Variants in KLF9 observed in about 807,000 individuals in gnomAD.
KLF9 encodes Krueppel-like factor 9.
Under a neutral mutation model 17.3 loss-of-function variants are expected in KLF9, and 2 were observed. The ratio of observed to expected loss-of-function variants is 0.12; its 90% CI spans 0.05 to 0.36. The LOEUF (loss-of-function observed/expected upper bound fraction) is 0.36. KLF9 is among the 10% of genes least tolerant of loss of function. The pLI is 1.00. For synonymous variants in KLF9, 138 were observed against 139.2 expected, an observed-to-expected ratio of 0.99 and a Z score of 0.06; for missense variants, 226 against 333.2, an observed-to-expected ratio of 0.68 and a Z score of 2.51.
chr9:70,399,216 T>C (rs952821021), intron 1 of KLF9, among the ~76,000 whole-genome samples: 12 of 152,148 alleles, frequency 7.9e-5, no homozygotes, highest in African/African-American at 2.9e-4. Context: ...ACCCTAAACA[T>C]AAATTTTTAA....
At chr9:70,397,043 G>A (rs953304050) in intron 1 of KLF9, among the ~76,000 whole-genome samples, 4 of 152,144 alleles carry the variant, frequency 2.6e-5, no homozygotes, top group Non-Finnish European at 5.9e-5. Context: ...ATATTCCATG[G>A]GCATGGAAGT....
intron 1 of KLF9, among the ~76,000 whole-genome samples, chr9:70,408,166 G>T (rs1285707656): frequency 6.6e-6 from 1 of 152,138 alleles, no homozygotes; most frequent in Non-Finnish European, 1.5e-5. Flanking sequence ...TTGAAGTCAG[G>T]AGTTCGAGAC....
Position 70,413,676 on chromosome 9 carries a change from A to G in KLF9, c.-313T>C, listed in dbSNP as rs1468794950. 1 of 158,058 alleles carries G rather than the reference A, an allele frequency of 6.3e-6. No individual in the cohort carries two copies. The highest frequency in any genetic ancestry group is 1.4e-5 in the Non-Finnish European group (1 of 71,612). The allele number at this position is 158,058 out of a possible 1,614,324, so 9.8% of individuals were successfully genotyped here. On this transcript the variant is annotated 5_prime_UTR_variant, in exon 1 of 2. Coordinates refer to ENST00000377126, the MANE Select transcript of KLF9 (RefSeq NM_001206.4). This position sits in a 1 kb window ranked among gnomAD's most constrained non-coding sequence, Gnocchi z 5.6. ...CCCGACGGGCGCGCCGGCCCCTCTGAGCCGGCTCCCTTGGAAAGATGCCAC... is the reference window on the plus strand; with the variant it reads ...CCCGACGGGCGCGCCGGCCCCTCTGGGCCGGCTCCCTTGGAAAGATGCCAC...
intron 1 of KLF9, among the ~76,000 whole-genome samples, chr9:70,389,451 C>T (rs2037138563): frequency 6.6e-6 from 1 of 152,158 alleles, no homozygotes; most frequent in Non-Finnish European, 1.5e-5. Context: ...AATGAACTGG[C>T]CCTGTCTACC....
chr9:70,389,020 A>C (rs2037134256), intron 1 of KLF9, among the ~76,000 whole-genome samples: 1 of 152,130 alleles, frequency 6.6e-6, no homozygotes, highest in African/African-American at 2.4e-5. Context: ...GTGCGCCTGT[A>C]GTCCCAGCTA....
intron 1 of KLF9, among the ~76,000 whole-genome samples, chr9:70,395,270 A>G (rs1209485091): frequency 1.3e-5 from 2 of 152,204 alleles, no homozygotes; most frequent in Non-Finnish European, 2.9e-5. Flanking sequence ...CAGGTAAAAG[A>G]AAAAAATTAA....
At chr9:70,395,691 C>T (rs1030547628) in intron 1 of KLF9, among the ~76,000 whole-genome samples, 2 of 152,122 alleles carry the variant, frequency 1.3e-5, no homozygotes, top group African/African-American at 2.4e-5. Context: ...TGCCTGTAAT[C>T]TCAGCACTTT....
chr9:70,389,181 C>T (rs2037135535), intron 1 of KLF9, among the ~76,000 whole-genome samples: 1 of 152,066 alleles, frequency 6.6e-6, no homozygotes, highest in Non-Finnish European at 1.5e-5. Flanking sequence ...CCTTCTGCCA[C>T]ATCATAATCC....
chr9:70,404,849 A>G (rs1453618254), intron 1 of KLF9, among the ~76,000 whole-genome samples: 1 of 152,132 alleles, frequency 6.6e-6, no homozygotes, highest in Non-Finnish European at 1.5e-5. Flanking sequence ...AGGCTCAGAG[A>G]AGGTAAGTAG....
intron 1 of KLF9, among the ~76,000 whole-genome samples, chr9:70,403,172 A>C (rs889055316): frequency 3.3e-5 from 5 of 152,268 alleles, no homozygotes; most frequent in Admixed American, 6.5e-5. Flanking sequence ...ATAAAAATAA[A>C]TAACTAACTA....
Position 70,387,498 on chromosome 9 carries a change from A to G in KLF9, c.*278T>C, listed in dbSNP as rs1478928411. ...GAAAAAAAAACAAAAACAAAAACCA[A>G]AAAACCCAAAAGCATTTGCCTTCCC... On this transcript the variant is annotated 3_prime_UTR_variant, in exon 2 of 2. Coordinates refer to ENST00000377126, the MANE Select transcript of KLF9 (RefSeq NM_001206.4). 4 of 261,980 alleles carry G rather than the reference A, an allele frequency of 1.5e-5. No individual in the cohort carries two copies. The Admixed American group carries it at 2.0e-4, about 13-fold the overall frequency. 16.2% of individuals were successfully genotyped at this position (261,980 alleles called of 1,614,324 possible). A position where few individuals can be genotyped will look rare whatever the true frequency, so the allele number is the denominator to read the frequency against.
chr9:70,400,682 C>A (rs779197968), intron 1 of KLF9, among the ~76,000 whole-genome samples: 3 of 152,196 alleles, frequency 2.0e-5, no homozygotes, highest in African/African-American at 4.8e-5. Flanking sequence ...GCCACTCCAG[C>A]AAGTGTTTCC....
At chr9:70,397,423 T>C (rs916512443) in intron 1 of KLF9, among the ~76,000 whole-genome samples, 6 of 151,546 alleles carry the variant, frequency 4.0e-5, no homozygotes, top group South Asian at 4.2e-4. Context: ...TGCAGTGAGC[T>C]GAGATTGCAC....
chr9:70,389,499 C>T (rs2037139151), intron 1 of KLF9, among the ~76,000 whole-genome samples: 1 of 152,174 alleles, frequency 6.6e-6, no homozygotes, highest in Admixed American at 6.5e-5. Flanking sequence ...GTCCTGACTC[C>T]TGGGGGTCCT....
At chr9:70,406,661 C>T (rs1233427427) in intron 1 of KLF9, among the ~76,000 whole-genome samples, 1 of 151,994 alleles carries the variant, frequency 6.6e-6, no homozygotes, top group African/African-American at 2.4e-5. Context: ...TTTTTTTCTT[C>T]GTCTTCCTTT....
intron 1 of KLF9, among the ~76,000 whole-genome samples, chr9:70,399,342 C>G (rs1304290093): frequency 6.6e-6 from 1 of 152,210 alleles, no homozygotes; most frequent in Non-Finnish European, 1.5e-5. Context: ...AAAGATGATG[C>G]AACCTCCCCA....
rs1157380732 is a variant in KLF9, at chr9:70,385,389, G to GTT, written c.*2385_*2386dup. On this transcript the variant is annotated 3_prime_UTR_variant, in exon 2 of 2. Transcript: ENST00000377126. ...ACATATAAGAGAATATCAAATGTGT[G>GTT]TTTGTCAACAACTTGAAAAGGCAAG... 1 of 152,582 alleles carries GTT rather than the reference G, an allele frequency of 6.6e-6. No homozygotes were observed. Among genetic ancestry groups the GTT allele is most frequent in the African/African-American group, 2.4e-5 (1 of 41,428 alleles). 9.5% of individuals were successfully genotyped at this position (152,582 alleles called of 1,614,324 possible).
intron 1 of KLF9, among the ~76,000 whole-genome samples, chr9:70,399,625 C>T (rs746730561): frequency 1.3e-5 from 2 of 152,218 alleles, no homozygotes; most frequent in Non-Finnish European, 2.9e-5. Flanking sequence ...GGGCAGATGA[C>T]GTGCCCAAGG....
Position 70,385,880 on chromosome 9 carries a change from C to T in KLF9, c.*1896G>A, listed in dbSNP as rs2037106782. 4 of 152,124 alleles carry T rather than the reference C, an allele frequency of 2.6e-5. No homozygotes were observed. The highest frequency in any genetic ancestry group is 5.9e-5 in the Non-Finnish European group (4 of 68,020). 9.4% of individuals were successfully genotyped at this position (152,124 alleles called of 1,614,324 possible). A position where few individuals can be genotyped will look rare whatever the true frequency, so the allele number is the denominator to read the frequency against. On this transcript the variant is annotated 3_prime_UTR_variant, in exon 2 of 2. Coordinates refer to ENST00000377126, the MANE Select transcript of KLF9 (RefSeq NM_001206.4). ...TTCCTTTTTATCCCATGGACTGCTC[C>T]CAGTCCCTAATGTTAAAAGCAGTTC...
Sources: gnomAD v4.1 joint callset for allele counts (sites outside exome capture counted in the v4.1 genomes callset) on GRCh38, gnomAD v4.1.1 for gene constraint, Gnocchi (gnomAD v3.1) non-coding constraint, MANE v1.5 for transcripts, NCBI Gene and HGNC (gene_info 2026-07-23, HGNC 2026-07-21) for gene names.